Variants in CNTNAP2 observed in about 807,000 individuals in gnomAD.
The protein encoded by CNTNAP2 is contactin-associated protein-like 2.
In CNTNAP2, 98 loss-of-function variants were observed where a neutral mutation model predicts 155.2. The ratio of observed to expected loss-of-function variants is 0.63; its 90% confidence interval spans 0.54 to 0.75. The LOEUF is 0.75. Ranked by LOEUF, CNTNAP2 falls within the 30% of genes least tolerant of loss-of-function variation. The pLI is 0.00. For missense variants in CNTNAP2, 1,727 were observed against 1,688.1 expected, an observed-to-expected ratio of 1.02 and a Z score of -0.40; for synonymous variants, 651 against 631.2, an observed-to-expected ratio of 1.03 and a Z score of -0.47.
At chr7:148,396,024 C>G (rs1360165348) in intron 22 of CNTNAP2, among the ~76,000 whole-genome samples, 2 of 152,184 alleles carry the variant, frequency 1.3e-5, no homozygotes, top group East Asian at 3.9e-4. Context: ...ACCCCCACCC[C>G]ACCTGGCATG....
At position 147,436,343 on chromosome 7, in the gene CNTNAP2, AT is replaced by A. The variant is rs549054673; in HGVS notation, c.1670+40566del. 2.2e-4 allele frequency among the ~76,000 whole-genome samples: 34 copies of A among 152,298 alleles called. No homozygotes were observed. The South Asian group carries it at 6.2e-3, about 28-fold the overall frequency. On this transcript the variant is annotated intron_variant, in intron 10 of 23. Transcript: ENST00000361727. ...TGGTTCAAGAAATATAATTAAATAA[AT>A]TTATTCCAGAAATTTTAAATTTCAG...
chr7:147,891,416 G>A (rs969525029), intron 13 of CNTNAP2, among the ~76,000 whole-genome samples: 1 of 152,028 alleles, frequency 6.6e-6, no homozygotes, highest in Non-Finnish European at 1.5e-5. Context: ...TATTGGACAG[G>A]CTGGTCTTGA....
rs537291804 is a variant in CNTNAP2, at chr7:148,147,642, G to A, written c.2706G>A (p.Pro902=). The A allele has an allele frequency of 4.1e-5, 66 of 1,614,070 alleles. No individual in the cohort carries two copies. Among genetic ancestry groups the A allele is most frequent in the African/African-American group, 2.8e-4 (21 of 75,000 alleles). ...KQASLQVDRL[P]QQIRKAPTEG... is the part of the protein sequence containing the mutation. ...CCAGCCTACAGGTGGACCGGCTACC[G>A]CAGCAGATCCGCAAGGCCCCAACAG... Residue 902 remains proline (P), a synonymous_variant, in exon 17 of 24, where the codon CCG becomes CCA. Transcript: ENST00000361727.
chr7:147,114,414 A>G (rs749930964), intron 5 of CNTNAP2, among the ~76,000 whole-genome samples: 8 of 152,158 alleles, frequency 5.3e-5, no homozygotes, highest in Non-Finnish European at 7.3e-5. Flanking sequence ...GTGGGGTATT[A>G]AAGTCTCCCA....
intron 1 of CNTNAP2, among the ~76,000 whole-genome samples, chr7:146,683,324 T>A (rs200705232): frequency 6.6e-6 from 1 of 152,206 alleles, no homozygotes; most frequent in East Asian, 1.9e-4. Context: ...TGAGCCACCA[T>A]GCACGGCCAA....
intron 1 of CNTNAP2, among the ~76,000 whole-genome samples, chr7:146,553,878 A>G (rs1166446492): frequency 6.6e-6 from 1 of 152,148 alleles, no homozygotes; most frequent in African/African-American, 2.4e-5. Flanking sequence ...ATAGTTTTCC[A>G]CAAGTGCTGG....
At chr7:147,951,987 C>T (rs1800938824) in intron 14 of CNTNAP2, among the ~76,000 whole-genome samples, 1 of 151,520 alleles carries the variant, frequency 6.6e-6, no homozygotes, top group Non-Finnish European at 1.5e-5. Flanking sequence ...TATGAGAACT[C>T]ATAGTGGCAT....
intron 1 of CNTNAP2, among the ~76,000 whole-genome samples, chr7:146,721,806 T>C (rs1352009187): frequency 8.6e-6 from 1 of 116,454 alleles, no homozygotes; most frequent in Non-Finnish European, 1.7e-5. Context: ...ATAGACTATA[T>C]ATAGTCTATA....
intron 4 of CNTNAP2, chr7:147,082,150 AG>A (rs1800146737): frequency 6.6e-6 from 1 of 152,234 alleles, no homozygotes; most frequent in Admixed American, 6.5e-5. Flanking sequence ...TTTGACCAGA[AG>A]GGAAAATCAG....
intron 1 of CNTNAP2, among the ~76,000 whole-genome samples, chr7:146,308,956 C>T (rs551330945): frequency 6.6e-6 from 1 of 151,896 alleles, no homozygotes; most frequent in East Asian, 1.9e-4. Flanking sequence ...TGCACATGTA[C>T]CACAGAACCT....
In CNTNAP2 at chr7:148,267,092, T is replaced by C. The variant is rs2116840572; in HGVS notation, c.3441T>C (p.Asn1147=). The change falls in exon 21 of 24, where the codon AAT becomes AAC. Residue 1147 remains asparagine (N), a synonymous_variant. Coordinates refer to ENST00000361727, the MANE Select transcript of CNTNAP2 (RefSeq NM_014141.6). Reference sequence around the variant, plus strand: ...CAAGTTCATCCGACACCCTCTTCAATTCTCCCAAGTCGCTCTTTCTGGGAA... The same window carrying C: ...CAAGTTCATCCGACACCCTCTTCAACTCTCCCAAGTCGCTCTTTCTGGGAA... The part of the protein sequence containing the change: ...HLPSSSDTLF[N]SPKSLFLGKV... 6.2e-7 allele frequency: 1 copy of C among 1,614,180 alleles called. No homozygotes were observed. The highest frequency in any genetic ancestry group is 8.5e-7 in the Non-Finnish European group (1 of 1,180,028).
intron 16 of CNTNAP2, among the ~76,000 whole-genome samples, chr7:148,136,623 A>G (rs1229121176): frequency 6.6e-6 from 1 of 152,188 alleles, no homozygotes; most frequent in East Asian, 1.9e-4. Context: ...GCTGGATAGT[A>G]CTGCTAACCG....
At chr7:146,844,468 T>C (rs1803804569) in intron 3 of CNTNAP2, among the ~76,000 whole-genome samples, 1 of 152,158 alleles carries the variant, frequency 6.6e-6, no homozygotes, top group African/African-American at 2.4e-5. Context: ...ATTTGCATGA[T>C]TATCTTGAGA....
At chr7:147,619,755 G>A (rs186222273) in intron 12 of CNTNAP2, among the ~76,000 whole-genome samples, 68 of 152,260 alleles carry the variant, frequency 4.5e-4, no homozygotes, top group African/African-American at 5.8e-4. Flanking sequence ...CGGGTGACTC[G>A]CCACCCTGAA....
intron 1 of CNTNAP2, among the ~76,000 whole-genome samples, chr7:146,191,334 G>A (rs920466227): frequency 5.3e-5 from 8 of 152,174 alleles, no homozygotes; most frequent in Non-Finnish European, 1.2e-4. Flanking sequence ...TGTACGAATA[G>A]GGTGTGGGTC....
intron 12 of CNTNAP2, among the ~76,000 whole-genome samples, chr7:147,601,636 T>A (rs1584846040): frequency 2.9e-5 from 2 of 69,252 alleles, no homozygotes; most frequent in Admixed American, 3.4e-4. Flanking sequence ...CATTGACTCT[T>A]AAAAAAAAAT....
intron 3 of CNTNAP2, among the ~76,000 whole-genome samples, chr7:147,041,294 C>T (rs1460100147): frequency 6.6e-6 from 1 of 152,124 alleles, no homozygotes; most frequent in Non-Finnish European, 1.5e-5. Context: ...TCCCGAGAAT[C>T]TACAATCTTA....
intron 20 of CNTNAP2, among the ~76,000 whole-genome samples, chr7:148,261,361 T>C (rs1200972024): frequency 6.6e-6 from 1 of 152,190 alleles, no homozygotes; most frequent in African/African-American, 2.4e-5. Flanking sequence ...GGTTTCACCA[T>C]GTTGGCCAGG....
chr7:146,687,614 G>C (rs1800624561), intron 1 of CNTNAP2, among the ~76,000 whole-genome samples: 1 of 152,024 alleles, frequency 6.6e-6, no homozygotes, highest in Non-Finnish European at 1.5e-5. Flanking sequence ...TTTTGTGTTT[G>C]CACAGATAAT....
Sources: gnomAD v4.1 joint callset for allele counts (sites outside exome capture counted in the v4.1 genomes callset) on GRCh38, gnomAD v4.1.1 for gene constraint, MANE v1.5 for transcripts, NCBI Gene and HGNC (gene_info 2026-07-23, HGNC 2026-07-21) for gene names.